PDIA3: variants seen among roughly 807,000 people sequenced by gnomAD.
The protein encoded by PDIA3 is protein disulfide isomerase family A member 3.
PDIA3 carries 16 observed loss-of-function variants against 56.9 expected under a neutral mutation model. The ratio of observed to expected loss-of-function variants is 0.28; its 90% CI spans 0.19 to 0.43. PDIA3 has a LOEUF of 0.43. Ranked by LOEUF, PDIA3 falls within the 20% of genes least tolerant of loss-of-function variation. PDIA3 has a pLI of 1.00. For synonymous variants in PDIA3, 192 were observed against 216.5 expected, an observed-to-expected ratio of 0.89 and a Z score of 0.99; for missense variants, 485 against 621.3, an observed-to-expected ratio of 0.78 and a Z score of 2.33.
At chr15:43,750,360 C>T (rs1425643499) in intron 1 of PDIA3, among the ~76,000 whole-genome samples, 1 of 151,644 alleles carries the variant, frequency 6.6e-6, no homozygotes, top group African/African-American at 2.4e-5. Context: ...CTAATATTTC[C>T]ATTATGGAGT....
chr15:43,750,725 A>G (rs1453025287), intron 1 of PDIA3, among the ~76,000 whole-genome samples: 1 of 151,864 alleles, frequency 6.6e-6, no homozygotes, highest in Non-Finnish European at 1.5e-5. Context: ...CAGTAAGCCA[A>G]GATCACGCCA....
intron 3 of PDIA3, among the ~76,000 whole-genome samples, chr15:43,760,378 G>A (rs1271387952): frequency 7.0e-6 from 1 of 143,632 alleles, no homozygotes; most frequent in Admixed American, 7.3e-5. Flanking sequence ...GTGACAGAAG[G>A]AGACCCTGTC....
chr15:43,760,052 G>A (rs1176862655), intron 3 of PDIA3, among the ~76,000 whole-genome samples: 3 of 151,944 alleles, frequency 2.0e-5, no homozygotes, highest in Non-Finnish European at 4.4e-5. Context: ...TTGCAATCGC[G>A]CCATTGCACT....
chr15:43,755,393 G>A (rs1266226702), intron 2 of PDIA3, among the ~76,000 whole-genome samples: 1 of 152,214 alleles, frequency 6.6e-6, no homozygotes, highest in African/African-American at 2.4e-5. Flanking sequence ...CACAATGATG[G>A]TAATACGAAA....
chr15:43,752,611 C>G (rs991402933), intron 1 of PDIA3, among the ~76,000 whole-genome samples: 1 of 152,124 alleles, frequency 6.6e-6, no homozygotes, highest in African/African-American at 2.4e-5. Flanking sequence ...TCATTTGGTT[C>G]TTTTATACTT....
At position 43,766,705 on chromosome 15, in the gene PDIA3, C is replaced by G. The variant is rs753457768; in HGVS notation, c.846-23C>G. On this transcript the variant is annotated intron_variant, in intron 7 of 12. Transcript: ENST00000300289. The stretch of plus-strand genomic sequence containing the variant: ...TTGACCACCCTGTATAGTCTTGGCA[C>G]AAATGTCTCTTGTTTCCCACAGGGT... 3.1e-6 allele frequency: 5 copies of G among 1,609,952 alleles called. No individual in the cohort carries two copies. The Admixed American group carries it at 6.7e-5, about 22-fold the overall frequency.
chr15:43,768,470 C>T lies in PDIA3; in HGVS notation c.1029-19C>T, dbSNP rs1474756282. 1.9e-6 allele frequency: 3 copies of T among 1,546,798 alleles called. No homozygotes were observed. The highest frequency in any genetic ancestry group is 2.7e-6 in the Non-Finnish European group (3 of 1,119,084). Reference sequence around the variant, plus strand: ...GTGGGAATAGATTAACAAGCCTTACCCTTGTTTTCCAATTGTAGGCGTGAT... The same window carrying T: ...GTGGGAATAGATTAACAAGCCTTACTCTTGTTTTCCAATTGTAGGCGTGAT... On this transcript the variant is annotated intron_variant, in intron 8 of 12. Coordinates refer to ENST00000300289, the MANE Select transcript of PDIA3 (RefSeq NM_005313.5).
chr15:43,762,826 G>A (rs1171644657), intron 4 of PDIA3, among the ~76,000 whole-genome samples: 3 of 152,172 alleles, frequency 2.0e-5, no homozygotes, highest in Admixed American at 2.0e-4. Flanking sequence ...TTCAATTATG[G>A]GAAAGTAAAA....
At chr15:43,754,826 G>A (rs912001503) in intron 2 of PDIA3, among the ~76,000 whole-genome samples, 2 of 151,632 alleles carry the variant, frequency 1.3e-5, no homozygotes, top group African/African-American at 4.8e-5. Flanking sequence ...GATACAGGCA[G>A]GCTTCCATAG....
chr15:43,765,162 G>A (rs930450509), intron 5 of PDIA3, among the ~76,000 whole-genome samples: 4 of 152,136 alleles, frequency 2.6e-5, no homozygotes, highest in Non-Finnish European at 5.9e-5. Context: ...GATCGCTTGA[G>A]CCTGGGAGTT....
chr15:43,766,066 G>C, intron 7 of PDIA3, 54 bp downstream of exon 7: 2 of 1,511,966 alleles, frequency 1.3e-6, no homozygotes, highest in Non-Finnish European at 1.8e-6. Context: ...TGTATAGACA[G>C]TCCCTTCTAA....
chr15:43,747,178 A>T (rs548702952), intron 1 of PDIA3: 1 of 157,562 alleles, frequency 6.3e-6, no homozygotes, highest in South Asian at 1.7e-4. Flanking sequence ...TTTCTAGCCA[A>T]GGTCACTGAG....
intron 12 of PDIA3, among the ~76,000 whole-genome samples, 199 bp from the exon 13 acceptor site, chr15:43,770,906 C>T (rs370308148): frequency 6.6e-6 from 1 of 152,166 alleles, no homozygotes; most frequent in Non-Finnish European, 1.5e-5. Context: ...GCCTTGGCCT[C>T]CCAAAGTGCT....
rs2086704959 is a variant in PDIA3, at chr15:43,746,444, G to GC, written c.-95dup. On this transcript the variant is annotated 5_prime_UTR_variant, in exon 1 of 13. Coordinates refer to ENST00000300289, the MANE Select transcript of PDIA3 (RefSeq NM_005313.5). ...CTGCAGGTCCGCCTGGGCCAGACGC[G>GC]CGAGCGCAAGCAGCGGGTTAGTGGT... 2.4e-6 allele frequency: 3 copies of GC among 1,247,786 alleles called. No homozygotes were observed. In the South Asian group the frequency reaches 5.0e-5, roughly 21 times the overall value. The allele number at this position is 1,247,786 out of a possible 1,614,324, so 77.3% of individuals were successfully genotyped here.
At chr15:43,754,223 G>T (rs1015192329) in intron 2 of PDIA3, among the ~76,000 whole-genome samples, 1 of 151,920 alleles carries the variant, frequency 6.6e-6, no homozygotes, top group African/African-American at 2.4e-5. Flanking sequence ...GTGAAACCCT[G>T]TCTCAACTAA....
chr15:43,769,696 T>A, intron 10 of PDIA3, 50 bp downstream of exon 10: 1 of 1,592,526 alleles, frequency 6.3e-7, no homozygotes, highest in Non-Finnish European at 8.6e-7. Flanking sequence ...GAGCAGTAAG[T>A]TTATGTATGT....
intron 1 of PDIA3, among the ~76,000 whole-genome samples, chr15:43,751,400 A>G (rs2086743496): frequency 6.6e-6 from 1 of 152,218 alleles, no homozygotes; most frequent in African/African-American, 2.4e-5. Flanking sequence ...CATGGCACAC[A>G]TGATGAAGTG....
rs1383095648 is a variant in PDIA3 at position 43,765,869 on chromosome 15, T to C, written c.720-18T>C. ...AAAAACTTGGCAAGCCAGTTGATAA[T>C]GGATTATTTCATTTCAGTTTTGGTA... On this transcript the variant is annotated intron_variant, in intron 6 of 12. Coordinates refer to ENST00000300289, the MANE Select transcript of PDIA3 (RefSeq NM_005313.5). The C allele has an allele frequency of 1.3e-6, 2 of 1,598,404 alleles. No homozygotes were observed. Among genetic ancestry groups the C allele is most frequent in the African/African-American group, 2.7e-5 (2 of 74,022 alleles).
Position 43,763,221 on chromosome 15 carries a change from T to C in PDIA3, c.602+15T>C, listed in dbSNP as rs780910702. 8 of 1,612,008 alleles carry C rather than the reference T, an allele frequency of 5.0e-6. No homozygotes were observed. The highest frequency in any genetic ancestry group is 5.9e-6 in the Non-Finnish European group (7 of 1,178,520). On this transcript the variant is annotated intron_variant, in intron 5 of 12. Transcript: ENST00000300289. ...GATAATGGAGAGTAAGTGACTGAGT[T>C]GAATCTCCTGACCAAGTATTATTGT...
Sources: allele counts gnomAD v4.1 joint callset (sites outside exome capture counted in the v4.1 genomes callset), GRCh38; gene constraint gnomAD v4.1.1; transcripts MANE v1.5; gene names NCBI Gene and HGNC (gene_info 2026-07-23, HGNC 2026-07-21).